Variants in ZPBP2 observed in about 807,000 individuals in gnomAD.
The protein encoded by ZPBP2 is zona pellucida-binding protein 2.
ZPBP2 carries 34 observed loss-of-function variants against 37.5 expected under a neutral mutation model. The observed-to-expected ratio is 0.91, with a 90% CI of 0.69 to 1.21. The LOEUF (loss-of-function observed/expected upper bound fraction) is 1.21, where lower values mean the gene tolerates loss of function less well. ZPBP2 is among the 50% of genes most tolerant of loss of function. The pLI, the probability that ZPBP2 is intolerant of heterozygous loss-of-function variation, is 0.00. For synonymous variants in ZPBP2, 143 were observed against 138.4 expected (o/e 1.03, Z -0.23); for missense variants, 397 against 413.5 (o/e 0.96, Z 0.35).
Position 39,876,820 on chromosome 17 carries a change from A to T in ZPBP2, c.*11A>T. 1 of 1,612,950 alleles carries T rather than the reference A, an allele frequency of 6.2e-7. No homozygotes were observed. The highest frequency in any genetic ancestry group is 1.1e-5 in the South Asian group (1 of 91,028). On this transcript the variant is annotated 3_prime_UTR_variant, in exon 8 of 8. Transcript: ENST00000348931. ...CAATATGAAGATTAGAGGTGAAAGCATTGTTACTTACTTGTGGAAGTCGGG... is the reference window on the plus strand; with the variant it reads ...CAATATGAAGATTAGAGGTGAAAGCTTTGTTACTTACTTGTGGAAGTCGGG...
chr17:39,872,558 TTAATA>T, intron 5 of ZPBP2, 70 bp downstream of exon 5: 1 of 1,008,900 alleles, frequency 9.9e-7, no homozygotes, highest in Non-Finnish European at 1.4e-6. Context: ...AATTACCATA[TTAATA>T]TAAGATATTT....
chr17:39,870,607 G>A (rs898561419), intron 2 of ZPBP2, 87 bp from the exon 3 acceptor site: 9 of 730,052 alleles, frequency 1.2e-5, no homozygotes, highest in South Asian at 5.0e-5. Context: ...GAACTAATTC[G>A]TGTCTTCAGC....
rs2063361358 is a variant in ZPBP2, at chr17:39,870,755, T to C, written c.180T>C (p.Leu60=). Residue 60 remains leucine (L), a synonymous_variant, in exon 3 of 8, where the codon CTT becomes CTC. Transcript: ENST00000348931. ...SPVLICMDFK[L]SKKEIVDPTY... is the part of the protein sequence containing the mutation. ...TCCTTATCTGTATGGATTTTAAGCT[T>C]TCTAAAAAAGAAATAGTGGACCCCA... The C allele has an allele frequency of 6.4e-7, 1 of 1,572,910 alleles. No homozygotes were observed. Among genetic ancestry groups the C allele is most frequent in the Non-Finnish European group, 8.7e-7 (1 of 1,152,796 alleles).
In ZPBP2 at chr17:39,868,350, G is replaced by A. The variant is rs997191385; in HGVS notation, c.-5G>A. ...GACGCCTCCTGCGACGCCAGCCCCT[G>A]AGCGATGATGCGAACGTGCGTCCTA... On this transcript the variant is annotated 5_prime_UTR_variant, in exon 1 of 8. Transcript: ENST00000348931. 2 of 1,608,658 alleles carry A rather than the reference G, an allele frequency of 1.2e-6. No individual in the cohort carries two copies. Among genetic ancestry groups the A allele is most frequent in the African/African-American group, 1.3e-5 (1 of 74,922 alleles).
intron 2 of ZPBP2, among the ~76,000 whole-genome samples, chr17:39,869,716 T>C (rs2063353768): frequency 7.2e-6 from 1 of 139,628 alleles, no homozygotes; most frequent in African/African-American, 2.7e-5. Flanking sequence ...TCTTTTTTTT[T>C]TTTTTTTTTT....
Position 39,873,057 on chromosome 17 carries a change from G to A in ZPBP2, c.639G>A (p.Ala213=), listed in dbSNP as rs138409314. ...LFIAFQVNPF[A]PGWKGACNGS... is the part of the protein sequence containing the mutation. ...TTTTCTCTTCAGTTAATCCTTTTGCGCCGGGGTGGAAAGGTGCTTGCAATG... is the reference window on the plus strand; with the variant it reads ...TTTTCTCTTCAGTTAATCCTTTTGCACCGGGGTGGAAAGGTGCTTGCAATG... Residue 213 remains alanine (A), a synonymous_variant, in exon 6 of 8, where the codon GCG becomes GCA. Coordinates refer to ENST00000348931, the MANE Select transcript of ZPBP2 (RefSeq NM_199321.3). 2.5e-6 allele frequency: 4 copies of A among 1,609,732 alleles called. No individual in the cohort carries two copies. The highest frequency in any genetic ancestry group is 1.1e-5 in the South Asian group (1 of 90,238).
chr17:39,876,730 A>G lies in ZPBP2; in HGVS notation c.938A>G (p.Gln313Arg). 6.2e-7 allele frequency: 1 copy of G among 1,613,982 alleles called. No homozygotes were observed. Among genetic ancestry groups the G allele is most frequent in the Non-Finnish European group, 8.5e-7 (1 of 1,179,932 alleles). ...TFSPDVNVTC[Q>R]TCVSVLTYGA... is the part of the protein sequence containing the mutation. Reference sequence around the variant, plus strand: ...AGTCCTGATGTTAATGTAACTTGTCAGACCTGCGTTTCCGTCCTTACCTAT... The same window carrying G: ...AGTCCTGATGTTAATGTAACTTGTCGGACCTGCGTTTCCGTCCTTACCTAT... Residue 313 changes from glutamine to arginine, a missense_variant, in exon 8 of 8, where the codon CAG becomes CGG. By Grantham distance (43) the Gln-to-Arg change is conservative (BLOSUM62 1). Coordinates refer to ENST00000348931, the MANE Select transcript of ZPBP2 (RefSeq NM_199321.3).
In ZPBP2 at chr17:39,876,684, G is replaced by A; in HGVS notation, c.892G>A (p.Val298Ile). The A allele has an allele frequency of 6.2e-7, 1 of 1,613,738 alleles. No individual in the cohort carries two copies. The highest frequency in any genetic ancestry group is 8.5e-7 in the Non-Finnish European group (1 of 1,179,800). ...ACTCCCTGTGTTTTCCTCTGCAGTG[G>A]TTTGTAGTCCTGCGACTTTTAGTCC... ...LHSNCASCCV[V>I]CSPATFSPDV... The change falls in exon 8 of 8, where the codon GTT becomes ATT. Residue 298 changes from valine to isoleucine, a missense_variant and splice_region_variant. By Grantham distance (29) the Val-to-Ile change is conservative. Coordinates refer to ENST00000348931, the MANE Select transcript of ZPBP2 (RefSeq NM_199321.3).
In ZPBP2 at chr17:39,877,147, A is replaced by T. The variant is rs144017773; in HGVS notation, c.*338A>T. On this transcript the variant is annotated 3_prime_UTR_variant, in exon 8 of 8. Coordinates refer to ENST00000348931, the MANE Select transcript of ZPBP2 (RefSeq NM_199321.3). ...AAAATAAAAATTGTATACTCTCCATATATTTATTTGTTTGGAATCACTCTT... is the reference window on the plus strand; with the variant it reads ...AAAATAAAAATTGTATACTCTCCATTTATTTATTTGTTTGGAATCACTCTT... The T allele has an allele frequency of 1.2e-5, 2 of 170,652 alleles. No homozygotes were observed. Among genetic ancestry groups the T allele is most frequent in the African/African-American group, 2.4e-5 (1 of 42,038 alleles). 10.6% of individuals were successfully genotyped at this position (170,652 alleles called of 1,614,324 possible).
intron 3 of ZPBP2, 111 bp downstream of exon 3, chr17:39,870,930 C>A: frequency 1.0e-6 from 1 of 953,520 alleles, no homozygotes. Context: ...GGCAGTTTCT[C>A]TTGCTCCCTA....
chr17:39,876,696 G>A lies in ZPBP2; in HGVS notation c.904G>A (p.Ala302Thr). 6.2e-7 allele frequency: 1 copy of A among 1,613,830 alleles called. No individual in the cohort carries two copies. Among genetic ancestry groups the A allele is most frequent in the Non-Finnish European group, 8.5e-7 (1 of 1,179,866 alleles). Residue 302 changes from alanine to threonine, a missense_variant, in exon 8 of 8, where the codon GCG becomes ACG. Coordinates refer to ENST00000348931, the MANE Select transcript of ZPBP2 (RefSeq NM_199321.3). ...TTCCTCTGCAGTGGTTTGTAGTCCT[G>A]CGACTTTTAGTCCTGATGTTAATGT... ...CASCCVVCSP[A>T]TFSPDVNVTC...
chr17:39,875,883 CTTTTTTTT>C lies in ZPBP2; in HGVS notation c.889+473_889+480del, dbSNP rs34192567. Reference sequence around the variant, plus strand: ...AGGTGTGGGCTACCATGCTTGGCCCCTTTTTTTTTTTTTTTTTTTTTTTTTTTTTTTGA... The same window carrying C: ...AGGTGTGGGCTACCATGCTTGGCCCCTTTTTTTTTTTTTTTTTTTTTTTGA... On this transcript the variant is annotated intron_variant, in intron 7 of 7. Transcript: ENST00000348931. Among the ~76,000 whole-genome samples, 495 of 63,688 alleles carry C rather than the reference CTTTTTTTT, an allele frequency of 7.8e-3. 1 individual carries two copies. The highest frequency in any genetic ancestry group is 0.014 in the Non-Finnish European group (414 of 30,008). The allele number at this position is 63,688 out of a possible 152,430, so 41.8% of individuals were successfully genotyped here.
chr17:39,875,884 T>A (rs9892108), intron 7 of ZPBP2, among the ~76,000 whole-genome samples: 2 of 32,966 alleles, frequency 6.1e-5, no homozygotes, highest in African/African-American at 1.7e-4. Context: ...GCTTGGCCCC[T>A]TTTTTTTTTT....
chr17:39,874,376 A>T (rs1396415996), intron 6 of ZPBP2, among the ~76,000 whole-genome samples: 2 of 152,120 alleles, frequency 1.3e-5, no homozygotes, highest in Non-Finnish European at 2.9e-5. Context: ...CCAATTATCT[A>T]CATATGGGAT....
chr17:39,872,415 G>A lies in ZPBP2; in HGVS notation c.552G>A (p.Glu184=). ...LISDLSCHVI[E]PSYKCHSVEI... is the part of the protein sequence containing the mutation. ...CTGATTTGTCATGCCATGTCATAGAGCCATCATATAAATGCCATTCTGTTG... is the reference window on the plus strand; with the variant it reads ...CTGATTTGTCATGCCATGTCATAGAACCATCATATAAATGCCATTCTGTTG... The change falls in exon 5 of 8, where the codon GAG becomes GAA. Residue 184 remains glutamate, a synonymous_variant. Coordinates refer to ENST00000348931, the MANE Select transcript of ZPBP2 (RefSeq NM_199321.3). 1 of 1,613,422 alleles carries A rather than the reference G, an allele frequency of 6.2e-7. No homozygotes were observed. The highest frequency in any genetic ancestry group is 8.5e-7 in the Non-Finnish European group (1 of 1,179,776).
chr17:39,871,624 T>C lies in ZPBP2; in HGVS notation c.405T>C (p.Phe135=). ...AAAAGAGATATGACTTTATGGTCTT[T>C]GGTAAGAATTTAGGCACATTTTAAC... The part of the protein sequence containing the change: ...TVKKRYDFMV[F]AYREPDYSYQ... Residue 135 remains phenylalanine (F), a splice_region_variant and synonymous_variant, in exon 4 of 8, where the codon TTT becomes TTC. Coordinates refer to ENST00000348931, the MANE Select transcript of ZPBP2 (RefSeq NM_199321.3). The C allele has an allele frequency of 1.3e-6, 2 of 1,552,996 alleles. No homozygotes were observed. The highest frequency in any genetic ancestry group is 1.7e-6 in the Non-Finnish European group (2 of 1,154,972).
At chr17:39,874,786 C>T (rs2063381619) in intron 6 of ZPBP2, among the ~76,000 whole-genome samples, 1 of 152,094 alleles carries the variant, frequency 6.6e-6, no homozygotes, top group Admixed American at 6.5e-5. Context: ...GGGTCTCGCT[C>T]TGTCGCCAGG....
At position 39,871,475 on chromosome 17, in the gene ZPBP2, A is replaced by G. The variant is rs1434110113; in HGVS notation, c.256A>G (p.Ile86Val). ...NEKTLTGNNR[I>V]NITETGQLMV... ...ACTATTCTGTTTAGGAAATAATAGA[A>G]TAAATATAACTGAAACTGGACAGCT... Residue 86 changes from isoleucine to valine, a missense_variant, in exon 4 of 8, where the codon ATA becomes GTA. Ile to Val is a conservative substitution (Grantham distance 29, BLOSUM62 3). Coordinates refer to ENST00000348931, the MANE Select transcript of ZPBP2 (RefSeq NM_199321.3). 1.9e-6 allele frequency: 3 copies of G among 1,586,442 alleles called. No individual in the cohort carries two copies. Among genetic ancestry groups the G allele is most frequent in the African/African-American group, 1.4e-5 (1 of 73,382 alleles).
At chr17:39,875,479 A>G (rs2063385346) in intron 7 of ZPBP2, 45 bp downstream of exon 7, 1 of 1,386,028 alleles carries the variant, frequency 7.2e-7, no homozygotes, top group Non-Finnish European at 9.7e-7. Context: ...TTATAGAGTC[A>G]GAAGAATATA....
Sources: allele counts gnomAD v4.1 joint callset (sites outside exome capture counted in the v4.1 genomes callset), GRCh38; gene constraint gnomAD v4.1.1; transcripts MANE v1.5; gene names NCBI Gene and HGNC (gene_info 2026-07-23, HGNC 2026-07-21).